CEACAM6: variants seen among roughly 807,000 people sequenced by gnomAD.
CEACAM6 encodes CEA cell adhesion molecule 6.
In CEACAM6, 21 loss-of-function variants were observed where a neutral mutation model predicts 32.4. The ratio of observed to expected loss-of-function variants is 0.65; its 90% confidence interval spans 0.46 to 0.93. CEACAM6 has a LOEUF of 0.93. Among genes scored for constraint, CEACAM6 ranks in the 40% least tolerant of loss-of-function variants. The pLI is 0.00. For synonymous variants in CEACAM6, 184 were observed against 174.4 expected (o/e 1.06, Z -0.43); for missense variants, 406 against 432.2 (o/e 0.94, Z 0.54).
At position 41,762,085 on chromosome 19, in the gene CEACAM6, A is replaced by T; in HGVS notation, c.820A>T (p.Asn274Tyr). ...ACCTGCACAGTACTCTTGGTTTATC[A>T]ATGGGACGTTCCAGCAATCCACACA... The part of the protein sequence containing the change: ...NPPAQYSWFI[N>Y]GTFQQSTQEL... The change falls in exon 4 of 6, where the codon AAT (asparagine) becomes TAT (tyrosine). Residue 274 changes from asparagine (N) to tyrosine (Y), a missense_variant. By Grantham distance (143) the Asn-to-Tyr change is moderately radical (BLOSUM62 -2). Transcript: ENST00000199764. 6.2e-7 allele frequency: 1 copy of T among 1,614,192 alleles called. No individual in the cohort carries two copies. Among genetic ancestry groups the T allele is most frequent in the Non-Finnish European group, 8.5e-7 (1 of 1,180,036 alleles).
At chr19:41,761,215 A>G (rs371477019) in intron 2 of CEACAM6, 34 bp from the exon 3 acceptor site, 1 of 1,614,096 alleles carries the variant, frequency 6.2e-7, no homozygotes, top group Non-Finnish European at 8.5e-7. Flanking sequence ...CAAAGGTGCC[A>G]CACAGGGCAA....
At chr19:41,764,944 C>T (rs2072948150) in intron 4 of CEACAM6, among the ~76,000 whole-genome samples, 1 of 152,168 alleles carries the variant, frequency 6.6e-6, no homozygotes, top group South Asian at 2.1e-4. Flanking sequence ...ATTCTCATCA[C>T]TAAGAAATGG....
At position 41,771,484 on chromosome 19, in the gene CEACAM6, C is replaced by G. The variant is rs1555822975; in HGVS notation, c.*723C>G. On this transcript the variant is annotated 3_prime_UTR_variant, in exon 6 of 6. Transcript: ENST00000199764. ...CTAAATACAATGGGTATCGCTGAGA[C>G]TAAGTTGTAGAAATTAACAAATGTG... 1 of 152,220 alleles carries G rather than the reference C, an allele frequency of 6.6e-6. No individual in the cohort carries two copies. Among genetic ancestry groups the G allele is most frequent in the African/African-American group, 2.4e-5 (1 of 41,448 alleles). The allele number at this position is 152,220 out of a possible 1,614,324, so 9.4% of individuals were successfully genotyped here.
intron 4 of CEACAM6, 64 bp from the exon 5 acceptor site, chr19:41,766,119 T>C (rs2072954023): frequency 8.9e-7 from 1 of 1,124,496 alleles, no homozygotes; most frequent in Non-Finnish European, 1.3e-6. Context: ...TGTTGACAGC[T>C]AGTTCTTGGG....
rs1285107282 is a variant in CEACAM6 at position 41,772,059 on chromosome 19, A to AT, written c.*1301dup. ...GAACTAATCTGATGTTAACCAATGT[A>AT]TTTATTTCTGTGGTTCTGTTTCCTT... On this transcript the variant is annotated 3_prime_UTR_variant, in exon 6 of 6. Transcript: ENST00000199764. 6.6e-6 allele frequency: 1 copy of AT among 152,148 alleles called. No individual in the cohort carries two copies. Among genetic ancestry groups the AT allele is most frequent in the Non-Finnish European group, 1.5e-5 (1 of 68,008 alleles). 9.4% of individuals were successfully genotyped at this position (152,148 alleles called of 1,614,324 possible). A position where few individuals can be genotyped will look rare whatever the true frequency, so the allele number is the denominator to read the frequency against.
At chr19:41,768,554 C>A (rs2072970748) in intron 5 of CEACAM6, among the ~76,000 whole-genome samples, 1 of 152,250 alleles carries the variant, frequency 6.6e-6, no homozygotes. Context: ...CCACCTTTCC[C>A]CCTTTTCTAT....
Position 41,772,026 on chromosome 19 carries a change from A to G in CEACAM6, c.*1265A>G, listed in dbSNP as rs1202311446. The G allele has an allele frequency of 6.6e-6, 1 of 152,194 alleles. No homozygotes were observed. Among genetic ancestry groups the G allele is most frequent in the Non-Finnish European group, 1.5e-5 (1 of 68,040 alleles). 9.4% of individuals were successfully genotyped at this position (152,194 alleles called of 1,614,324 possible). Reference sequence around the variant, plus strand: ...CCCTCTACTTTAACTTTTACAAAAAAGTAACCTGAACTAATCTGATGTTAA... The same window carrying G: ...CCCTCTACTTTAACTTTTACAAAAAGGTAACCTGAACTAATCTGATGTTAA... On this transcript the variant is annotated 3_prime_UTR_variant, in exon 6 of 6. Transcript: ENST00000199764.
intron 1 of CEACAM6, among the ~76,000 whole-genome samples, chr19:41,756,348 G>A (rs782481021): frequency 1.3e-5 from 2 of 152,054 alleles, no homozygotes; most frequent in Non-Finnish European, 1.5e-5. Context: ...CCAGTGGGGA[G>A]GGAGCCATGC....
chr19:41,769,585 T>G (rs2072979649), intron 5 of CEACAM6, among the ~76,000 whole-genome samples: 1 of 151,912 alleles, frequency 6.6e-6, no homozygotes, highest in African/African-American at 2.4e-5. Flanking sequence ...TCTTTTAAGC[T>G]ATCTAGAGCT....
intron 1 of CEACAM6, among the ~76,000 whole-genome samples, chr19:41,755,935 T>C (rs2072882284): frequency 6.6e-6 from 1 of 152,094 alleles, no homozygotes; most frequent in Admixed American, 6.6e-5. Context: ...TCATTTGTCA[T>C]TACCATTTGA....
rs782527923 is a variant in CEACAM6, at chr19:41,761,262, G to A, written c.438G>A (p.Lys146=). 1.2e-6 allele frequency: 2 copies of A among 1,614,074 alleles called. No homozygotes were observed. The highest frequency in any genetic ancestry group is 1.7e-6 in the Non-Finnish European group (2 of 1,180,044). ...GQFHVYPELP[K]PSISSNNSNP... ...TTTTCTGCACAGCGGAGCTGCCCAAGCCCTCCATCTCCAGCAACAACTCCA... is the reference window on the plus strand; with the variant it reads ...TTTTCTGCACAGCGGAGCTGCCCAAACCCTCCATCTCCAGCAACAACTCCA... Residue 146 remains lysine, a synonymous_variant, in exon 3 of 6, where the codon AAG becomes AAA. Transcript: ENST00000199764.
chr19:41,757,330 C>T (rs1555821274), intron 2 of CEACAM6, among the ~76,000 whole-genome samples: 1 of 152,052 alleles, frequency 6.6e-6, no homozygotes, highest in Non-Finnish European at 1.5e-5. Flanking sequence ...AGAAGCTCAA[C>T]TCTTCCCTGA....
chr19:41,755,644 AC>A lies in CEACAM6; in HGVS notation c.12del (p.Ser5GlnfsTer21). 2 of 1,610,500 alleles carry A rather than the reference AC, an allele frequency of 1.2e-6. No individual in the cohort carries two copies. The highest frequency in any genetic ancestry group is 1.1e-5 in the South Asian group (1 of 90,830). On this transcript the variant is annotated frameshift_variant, in exon 1 of 6. Coordinates refer to ENST00000199764, the MANE Select transcript of CEACAM6 (RefSeq NM_002483.7). LOFTEE classifies it high-confidence loss of function. ...CAGAGAAGACAGCAGAGACCATGGG[AC>A]CCCCCTCAGCCCCTCCCTGCAGATT... MG[P>X]PSAPPCRLHV...
chr19:41,769,629 A>G (rs943553006), intron 5 of CEACAM6, among the ~76,000 whole-genome samples: 5 of 151,742 alleles, frequency 3.3e-5, no homozygotes, highest in African/African-American at 9.7e-5. Flanking sequence ...TGAAACATCT[A>G]TATTTTCTCC....
rs1555822367 is a variant in CEACAM6 at position 41,766,176 on chromosome 19, C to T, written c.959-7C>T. 6.3e-7 allele frequency: 1 copy of T among 1,596,392 alleles called. No homozygotes were observed. The highest frequency in any genetic ancestry group is 2.3e-5 in the East Asian group (1 of 43,380). Reference sequence around the variant, plus strand: ...CACCTTCATTCCTTCTCTCTTCTTCCCACAAGGAAGTGCTCCTGTCCTCTC... The same window carrying T: ...CACCTTCATTCCTTCTCTCTTCTTCTCACAAGGAAGTGCTCCTGTCCTCTC... On this transcript the variant is annotated splice_polypyrimidine_tract_variant and splice_region_variant and intron_variant, in intron 4 of 5. Transcript: ENST00000199764.
intron 1 of CEACAM6, 121 bp from the exon 2 acceptor site, chr19:41,756,453 GACACACACACACACACACACACACAC>G (rs4060857): frequency 1.3e-5 from 12 of 919,370 alleles, no homozygotes; most frequent in African/African-American, 9.9e-5. Flanking sequence ...GACTCAGTAG[GACACACACACACACACACACACACAC>G]ACACACACAC....
At chr19:41,761,648 CT>C in intron 3 of CEACAM6, 121 bp downstream of exon 3, 1 of 1,517,210 alleles carries the variant, frequency 6.6e-7, no homozygotes. Flanking sequence ...CTGGCCATGA[CT>C]TCCTGCCCTG....
rs903289459 is a variant in CEACAM6 at position 41,771,981 on chromosome 19, G to A, written c.*1220G>A. On this transcript the variant is annotated 3_prime_UTR_variant, in exon 6 of 6. Coordinates refer to ENST00000199764, the MANE Select transcript of CEACAM6 (RefSeq NM_002483.7). Reference sequence around the variant, plus strand: ...ACACAGGAGATTCCAGTCTACTTGAGTTAGCATAATACAGAAGTCCCCTCT... The same window carrying A: ...ACACAGGAGATTCCAGTCTACTTGAATTAGCATAATACAGAAGTCCCCTCT... The A allele has an allele frequency of 4.0e-5, 6 of 151,514 alleles. No homozygotes were observed. Among genetic ancestry groups the A allele is most frequent in the African/African-American group, 1.2e-4 (5 of 41,356 alleles). The allele number at this position is 151,514 out of a possible 1,614,324, so 9.4% of individuals were successfully genotyped here.
chr19:41,763,964 T>G (rs1555822183), intron 4 of CEACAM6, among the ~76,000 whole-genome samples: 1 of 152,244 alleles, frequency 6.6e-6, no homozygotes, highest in African/African-American at 2.4e-5. Flanking sequence ...AACACTATGT[T>G]GAAGAGAAGT....
Sources: gnomAD v4.1 joint callset for allele counts (sites outside exome capture counted in the v4.1 genomes callset) on GRCh38, gnomAD v4.1.1 for gene constraint, MANE v1.5 for transcripts, NCBI Gene and HGNC (gene_info 2026-07-23, HGNC 2026-07-21) for gene names.